CYP20A1: variants seen among roughly 807,000 people sequenced by gnomAD.
CYP20A1 encodes cytochrome P450 family 20 subfamily A member 1.
Under a neutral mutation model 61.4 loss-of-function variants are expected in CYP20A1, and 61 were observed. The observed-to-expected ratio is 0.99, with a 90% CI of 0.81 to 1.23. The LOEUF (loss-of-function observed/expected upper bound fraction) is 1.23. Among genes scored for constraint, CYP20A1 ranks in the 50% most tolerant of loss-of-function variants. CYP20A1 has a pLI of 0.00. For synonymous variants in CYP20A1, 193 were observed against 188.2 expected (o/e 1.03, Z -0.21); for missense variants, 530 against 542.4 (o/e 0.98, Z 0.23).
In CYP20A1 at chr2:203,300,911, AAAC is replaced by A. The variant is rs2152118909; in HGVS notation, c.*4004_*4006del. On this transcript the variant is annotated 3_prime_UTR_variant, in exon 13 of 13. Coordinates refer to ENST00000356079, the MANE Select transcript of CYP20A1 (RefSeq NM_177538.3). ...TCTCAGAAAAAAAAAAAAAAAAAAAAAACGGCCAGGCGAGGTGGCTCACACCTG... is the reference window on the plus strand; with the variant it reads ...TCTCAGAAAAAAAAAAAAAAAAAAAAGGCCAGGCGAGGTGGCTCACACCTG... Among the ~76,000 whole-genome samples, 1 of 131,996 alleles carries A rather than the reference AAAC, an allele frequency of 7.6e-6. No individual in the cohort carries two copies. Among genetic ancestry groups the A allele is most frequent in the Non-Finnish European group, 1.6e-5 (1 of 61,642 alleles). 86.6% of individuals were successfully genotyped at this position (131,996 alleles called of 152,430 possible). A position where few individuals can be genotyped will look rare whatever the true frequency, so the allele number is the denominator to read the frequency against.
In CYP20A1 at chr2:203,299,347, C is replaced by T. The variant is rs1157216409; in HGVS notation, c.*2439C>T. Among the ~76,000 whole-genome samples, 1 of 151,812 alleles carries T rather than the reference C, an allele frequency of 6.6e-6. No individual in the cohort carries two copies. Among genetic ancestry groups the T allele is most frequent in the Non-Finnish European group, 1.5e-5 (1 of 67,962 alleles). ...CTGAGGCGGGAGGATCACTTGAGCC[C>T]AGGAGTTGGAGGCTTCAGTGAGCTG... is the stretch of plus-strand genomic sequence containing the variant. On this transcript the variant is annotated 3_prime_UTR_variant, in exon 13 of 13. Transcript: ENST00000356079.
chr2:203,287,124 T>A (rs561827959), intron 9 of CYP20A1, among the ~76,000 whole-genome samples: 1 of 139,274 alleles, frequency 7.2e-6, no homozygotes, highest in East Asian at 2.1e-4. Context: ...GAGGCTGATA[T>A]AGGAGAATCA....
chr2:203,284,584 A>C (rs2068185898), intron 8 of CYP20A1, among the ~76,000 whole-genome samples: 1 of 152,124 alleles, frequency 6.6e-6, no homozygotes. Context: ...GCCATGAGCC[A>C]GTGATCTTCC....
chr2:203,239,279 A>G (rs948622012), intron 1 of CYP20A1, 145 bp downstream of exon 1: 3 of 696,220 alleles, frequency 4.3e-6, no homozygotes, highest in Non-Finnish European at 7.3e-6. Flanking sequence ...CAGCGCGGGG[A>G]CCGCACCCGG....
chr2:203,260,514 G>A (rs997655763), intron 4 of CYP20A1, among the ~76,000 whole-genome samples: 12 of 151,776 alleles, frequency 7.9e-5, no homozygotes, highest in Admixed American at 2.0e-4. Flanking sequence ...GAGCCACCGC[G>A]TCTGGCCTGT....
intron 3 of CYP20A1, among the ~76,000 whole-genome samples, chr2:203,247,721 G>A (rs1041874009): frequency 2.0e-4 from 31 of 152,236 alleles, no homozygotes; most frequent in Admixed American, 2.0e-3. Flanking sequence ...GCTGAGCGTG[G>A]TGAGGTGTGC....
intron 3 of CYP20A1, among the ~76,000 whole-genome samples, chr2:203,247,929 A>G (rs1308405260): frequency 6.6e-6 from 1 of 152,144 alleles, no homozygotes; most frequent in Non-Finnish European, 1.5e-5. Flanking sequence ...AAGCTAGATT[A>G]AAGAATCTTG....
chr2:203,299,601 G>C lies in CYP20A1; in HGVS notation c.*2693G>C, dbSNP rs546063139. Among the ~76,000 whole-genome samples the C allele has an allele frequency of 1.3e-5, 2 of 152,172 alleles. No individual in the cohort carries two copies. Among genetic ancestry groups the C allele is most frequent in the South Asian group, 4.1e-4 (2 of 4,822 alleles). ...TTAAATTCTAAAACTTTGGCCGGGC[G>C]TGATGGCTCATGCCTGTAATCCCAG... On this transcript the variant is annotated 3_prime_UTR_variant, in exon 13 of 13. Coordinates refer to ENST00000356079, the MANE Select transcript of CYP20A1 (RefSeq NM_177538.3).
Position 203,298,461 on chromosome 2 carries a change from GT to G in CYP20A1, c.*1554del, listed in dbSNP as rs1178670992. On this transcript the variant is annotated 3_prime_UTR_variant, in exon 13 of 13. Transcript: ENST00000356079. ...ATAATACTTTGGGAGGCCGAGGCAGGTGGATCAATTGAGGTCAGGTGTTCGA... is the reference window on the plus strand; with the variant it reads ...ATAATACTTTGGGAGGCCGAGGCAGGGGATCAATTGAGGTCAGGTGTTCGA... 6.6e-6 allele frequency among the ~76,000 whole-genome samples: 1 copy of G among 150,906 alleles called. No individual in the cohort carries two copies. The highest frequency in any genetic ancestry group is 1.5e-5 in the Non-Finnish European group (1 of 67,890).
intron 3 of CYP20A1, among the ~76,000 whole-genome samples, chr2:203,247,242 C>G (rs1356267587): frequency 6.6e-6 from 1 of 151,640 alleles, no homozygotes; most frequent in Non-Finnish European, 1.5e-5. Context: ...GCCTGGGCGA[C>G]AGAGCGAGAC....
chr2:203,244,023 TA>T (rs1299390726), intron 1 of CYP20A1, among the ~76,000 whole-genome samples: 2 of 152,056 alleles, frequency 1.3e-5, no homozygotes, highest in African/African-American at 4.8e-5. Flanking sequence ...AATCTGGAGA[TA>T]ATTTCCAGAC....
chr2:203,257,264 G>A (rs973525474), intron 4 of CYP20A1, among the ~76,000 whole-genome samples: 8 of 149,850 alleles, frequency 5.3e-5, no homozygotes, highest in Non-Finnish European at 1.0e-4. Context: ...AGGTTGCAGT[G>A]AGCCAAGGTT....
rs1401166833 is a variant in CYP20A1, at chr2:203,283,642, G to T, written c.851-1970G>T. Among the ~76,000 whole-genome samples the T allele has an allele frequency of 3.4e-5, 5 of 145,814 alleles. No homozygotes were observed. The South Asian group carries it at 6.7e-4, about 19-fold the overall frequency. ...CGGCTCACTGCAACCTCTGCCTCCC[G>T]GGTTCAAGCAATTCTCCTGCCTCAG... is the stretch of plus-strand genomic sequence containing the variant. On this transcript the variant is annotated intron_variant, in intron 8 of 12. Coordinates refer to ENST00000356079, the MANE Select transcript of CYP20A1 (RefSeq NM_177538.3).
chr2:203,285,753 G>A, intron 9 of CYP20A1, 21 bp downstream of exon 9: 1 of 1,532,094 alleles, frequency 6.5e-7, no homozygotes, highest in Non-Finnish European at 8.7e-7. Context: ...AATAAAAAGA[G>A]GAGATTATTA....
At chr2:203,262,914 G>C (rs981386731) in intron 4 of CYP20A1, among the ~76,000 whole-genome samples, 20 of 151,898 alleles carry the variant, frequency 1.3e-4, no homozygotes, top group African/African-American at 4.6e-4. Context: ...TCCTGACCTC[G>C]TGATCCGCCC....
Position 203,296,864 on chromosome 2 carries a change from T to A in CYP20A1, c.1345T>A (p.Ser449Thr), listed in dbSNP as rs1228330424. The A allele has an allele frequency of 6.2e-7, 1 of 1,607,392 alleles. No individual in the cohort carries two copies. The highest frequency in any genetic ancestry group is 1.7e-5 in the Admixed American group (1 of 58,238). The part of the protein sequence containing the change: ...VIETKYELVT[S>T]SREEAWITVS... ...TGAAACAAAGTATGAACTGGTAACATCATCAAGGGAAGAAGCTTGGATCAC... is the reference window on the plus strand; with the variant it reads ...TGAAACAAAGTATGAACTGGTAACAACATCAAGGGAAGAAGCTTGGATCAC... Residue 449 changes from serine to threonine, a missense_variant, in exon 13 of 13, where the codon TCA (serine) becomes ACA (threonine). Coordinates refer to ENST00000356079, the MANE Select transcript of CYP20A1 (RefSeq NM_177538.3).
In CYP20A1 at chr2:203,300,789, T is replaced by C. The variant is rs2068987564; in HGVS notation, c.*3881T>C. 1.3e-5 allele frequency among the ~76,000 whole-genome samples: 2 copies of C among 148,240 alleles called. No homozygotes were observed. Among genetic ancestry groups the C allele is most frequent in the African/African-American group, 5.0e-5 (2 of 39,768 alleles). On this transcript the variant is annotated 3_prime_UTR_variant, in exon 13 of 13. Coordinates refer to ENST00000356079, the MANE Select transcript of CYP20A1 (RefSeq NM_177538.3). ...CTGTAATCCTAGCTACTTGAGACGC[T>C]GAGGCAGGAAAATTGCTTGAACCCG...
In CYP20A1 at chr2:203,266,682, G is replaced by A; in HGVS notation, c.600+1G>A. On this transcript the variant is annotated splice_donor_variant, in intron 5 of 12. Coordinates refer to ENST00000356079, the MANE Select transcript of CYP20A1 (RefSeq NM_177538.3). LOFTEE classifies it high-confidence loss of function. ...TCGCTTCCAGAAGAATCATGGCACA[G>A]TAAGTCTGGGGCTAAATTTAAAATT... The A allele has an allele frequency of 6.2e-7, 1 of 1,613,174 alleles. No individual in the cohort carries two copies.
intron 4 of CYP20A1, 148 bp from the exon 5 acceptor site, chr2:203,266,366 G>T (rs2067323350): frequency 1.5e-6 from 1 of 646,664 alleles, no homozygotes; most frequent in South Asian, 2.0e-5. Context: ...TATAGGTGGA[G>T]CTAGTGTTAG....
Sources: gnomAD v4.1 joint callset for allele counts (sites outside exome capture counted in the v4.1 genomes callset) on GRCh38, gnomAD v4.1.1 for gene constraint, MANE v1.5 for transcripts, NCBI Gene and HGNC (gene_info 2026-07-23, HGNC 2026-07-21) for gene names.